PCDH15: variants seen among roughly 807,000 people sequenced by gnomAD.
PCDH15 encodes the protein protocadherin related 15.
Under a neutral mutation model 178.5 loss-of-function variants are expected in PCDH15, and 129 were observed. That is an observed-to-expected ratio of 0.72 (90% CI 0.63 to 0.84). The LOEUF (loss-of-function observed/expected upper bound fraction) is 0.84. Ranked by LOEUF, PCDH15 falls within the 40% of genes least tolerant of loss-of-function variation. The probability of loss-of-function intolerance (pLI) is 0.00; values close to 1 mark genes in which losing one functional copy is unlikely to be tolerated. For missense variants in PCDH15, 2,230 were observed against 2,099.9 expected (o/e 1.06, Z -1.21); for synonymous variants, 800 against 732.0 (o/e 1.09, Z -1.50).
chr10:54,061,942 A>AGGCCG (rs1431929476), intron 18 of PCDH15, among the ~76,000 whole-genome samples: 1 of 152,044 alleles, frequency 6.6e-6, no homozygotes, highest in Non-Finnish European at 1.5e-5. Flanking sequence ...AAACTAAATG[A>AGGCCG]GGCCGGGTGT....
At chr10:54,189,735 G>A (rs185834481) in intron 11 of PCDH15, among the ~76,000 whole-genome samples, 176 of 152,030 alleles carry the variant, frequency 1.2e-3, no homozygotes, top group Non-Finnish European at 2.1e-3. Flanking sequence ...TTTATGATCA[G>A]CATTCAATAA....
chr10:54,522,692 A>T (rs1404330649), intron 3 of PCDH15, among the ~76,000 whole-genome samples: 2 of 152,182 alleles, frequency 1.3e-5, no homozygotes, highest in Non-Finnish European at 2.9e-5. Flanking sequence ...ACAGATTCTC[A>T]CACAATATAG....
intron 13 of PCDH15, among the ~76,000 whole-genome samples, chr10:54,174,173 G>A (rs2047184963): frequency 6.6e-6 from 1 of 152,080 alleles, no homozygotes; most frequent in Non-Finnish European, 1.5e-5. Context: ...AGGGAAAGAG[G>A]AGACATAAAT....
chr10:54,888,085 C>G (rs2131812825), intron 3 of PCDH15, among the ~76,000 whole-genome samples: 1 of 152,210 alleles, frequency 6.6e-6, no homozygotes, highest in South Asian at 2.1e-4. Context: ...TACAATTTGA[C>G]AAGCTTAACG....
At chr10:54,963,403 AATAT>A (rs1838706929) in intron 2 of PCDH15, among the ~76,000 whole-genome samples, 1 of 152,108 alleles carries the variant, frequency 6.6e-6, no homozygotes, top group Admixed American at 6.5e-5. Context: ...TTCTCACTAA[AATAT>A]CTGTATATTT....
rs1842175002 is a variant in PCDH15, at chr10:55,560,453, AT to A, written c.-156+67171del. Among the ~76,000 whole-genome samples, 3 of 152,034 alleles carry A rather than the reference AT, an allele frequency of 2.0e-5. No individual in the cohort carries two copies. The South Asian group carries it at 6.2e-4, about 32-fold the overall frequency. On this transcript the variant is annotated intron_variant, in intron 2 of 5. Transcript: ENST00000613346. ...TTGCCTTAATTGATAGTGAATTAAAATTATCTGTGGAGCTTTAAAAAATATG... is the reference window on the plus strand; with the variant it reads ...TTGCCTTAATTGATAGTGAATTAAAATATCTGTGGAGCTTTAAAAAATATG...
At chr10:55,625,919 C>T (rs1293893295) in intron 2 of PCDH15, among the ~76,000 whole-genome samples, 1 of 152,134 alleles carries the variant, frequency 6.6e-6, no homozygotes, top group Non-Finnish European at 1.5e-5. Context: ...TCCCTATACT[C>T]TCCATGTCCT....
At chr10:55,241,825 C>A (rs1473560608) in intron 1 of PCDH15, among the ~76,000 whole-genome samples, 1 of 152,136 alleles carries the variant, frequency 6.6e-6, no homozygotes, top group Non-Finnish European at 1.5e-5. Context: ...TCTTATTTTA[C>A]CTGGATTTCT....
chr10:55,357,495 T>C (rs1372675077), intron 2 of PCDH15, among the ~76,000 whole-genome samples: 1 of 151,980 alleles, frequency 6.6e-6, no homozygotes, highest in Non-Finnish European at 1.5e-5. Flanking sequence ...AGCTATGTCA[T>C]CTGGTTTTAT....
chr10:55,159,735 A>G (rs1294116723), intron 2 of PCDH15, among the ~76,000 whole-genome samples: 1 of 147,862 alleles, frequency 6.8e-6, no homozygotes, highest in Admixed American at 6.8e-5. Context: ...TATATTATGT[A>G]TATATTTTAA....
At chr10:54,905,652 G>A (rs1787472342) in intron 2 of PCDH15, among the ~76,000 whole-genome samples, 1 of 152,092 alleles carries the variant, frequency 6.6e-6, no homozygotes, top group African/African-American at 2.4e-5. Context: ...AGGAAACTAG[G>A]TCGTGAAAGA....
chr10:55,348,881 A>T (rs1385679817), intron 2 of PCDH15, among the ~76,000 whole-genome samples: 1 of 152,094 alleles, frequency 6.6e-6, no homozygotes, highest in Admixed American at 6.6e-5. Context: ...ATGAAATAAG[A>T]GAGAAAGCCA....
At chr10:55,059,220 AG>A (rs996357727) in intron 2 of PCDH15, among the ~76,000 whole-genome samples, 5 of 152,194 alleles carry the variant, frequency 3.3e-5, no homozygotes, top group Non-Finnish European at 5.9e-5. Context: ...AGGAGGCCAT[AG>A]TACTTTAAAA....
chr10:55,613,012 G>C (rs1462293810), intron 2 of PCDH15, among the ~76,000 whole-genome samples: 5 of 142,710 alleles, frequency 3.5e-5, no homozygotes, highest in Non-Finnish European at 7.5e-5. Flanking sequence ...ATATTTACTA[G>C]CCAGATTTTT....
rs557689826 is a variant in PCDH15, at chr10:55,573,899, A to C, written c.-156+53726T>G. On this transcript the variant is annotated intron_variant, in intron 2 of 5. Transcript: ENST00000613346. Reference sequence around the variant, plus strand: ...TGTATATTATTATAACGTTTCTTTTAAATATATTAATATATAAGCTAATAT... The same window carrying C: ...TGTATATTATTATAACGTTTCTTTTCAATATATTAATATATAAGCTAATAT... Among the ~76,000 whole-genome samples the C allele has an allele frequency of 2.0e-5, 3 of 151,876 alleles. No homozygotes were observed. In the South Asian group the frequency reaches 6.2e-4, roughly 31 times the overall value.
At chr10:54,318,133 T>G (rs1288668344) in intron 7 of PCDH15, among the ~76,000 whole-genome samples, 5 of 152,220 alleles carry the variant, frequency 3.3e-5, no homozygotes, top group African/African-American at 1.2e-4. Flanking sequence ...CCCATCTTTT[T>G]CATGCCCTGG....
At chr10:53,808,673 C>T in intron 37 of PCDH15, 1 of 1,605,164 alleles carries the variant, frequency 6.2e-7, no homozygotes, top group Non-Finnish European at 8.5e-7. Flanking sequence ...AGCAAAACTT[C>T]CACCTACTGT....
At chr10:54,824,621 G>A (rs1953096820) in intron 3 of PCDH15, among the ~76,000 whole-genome samples, 1 of 152,116 alleles carries the variant, frequency 6.6e-6, no homozygotes. Context: ...CATGGTAGAT[G>A]AAGTTCTGCC....
intron 2 of PCDH15, among the ~76,000 whole-genome samples, chr10:55,037,687 T>A (rs2131973368): frequency 6.6e-6 from 1 of 152,314 alleles, no homozygotes. Context: ...GATTGTAAAA[T>A]ATCTGCGGAC....
Sources: allele counts gnomAD v4.1 joint callset (sites outside exome capture counted in the v4.1 genomes callset), GRCh38; gene constraint gnomAD v4.1.1; transcripts MANE v1.5; gene names NCBI Gene and HGNC (gene_info 2026-07-23, HGNC 2026-07-21).